SLC14A2: variants seen among roughly 807,000 people sequenced by gnomAD.
The protein encoded by SLC14A2 is urea transporter 2.
A neutral mutation model predicts 104.6 loss-of-function variants in SLC14A2; 91 were observed. The ratio of observed to expected loss-of-function variants is 0.87; its 90% CI spans 0.73 to 1.04. SLC14A2 has a LOEUF of 1.04. Ranked by LOEUF, SLC14A2 falls within the 50% of genes least tolerant of loss-of-function variation. The pLI is 0.00. For synonymous variants in SLC14A2, 476 were observed against 466.4 expected (o/e 1.02, Z -0.27); for missense variants, 1,189 against 1,156.0 (o/e 1.03, Z -0.41).
At chr18:45,439,503 A>G (rs1272445980) in intron 1 of SLC14A2, among the ~76,000 whole-genome samples, 3 of 152,056 alleles carry the variant, frequency 2.0e-5, no homozygotes, top group Non-Finnish European at 4.4e-5. Flanking sequence ...TTGCACATCT[A>G]CAATATGTTT....
At chr18:45,206,041 T>A in the SLC14A2 span, among the ~76,000 whole-genome samples, 1 of 152,194 alleles carries the variant, frequency 6.6e-6, no homozygotes, top group Non-Finnish European at 1.5e-5. Flanking sequence ...CCGGTGGAGA[T>A]GGATAGGCCA....
At chr18:45,634,752 C>T in intron 5 of SLC14A2, 2 of 451,870 alleles carry the variant, frequency 4.4e-6, no homozygotes, top group Non-Finnish European at 4.5e-6. Context: ...TGATAGAAAG[C>T]AGTTAGAGAG....
intron 1 of SLC14A2, among the ~76,000 whole-genome samples, chr18:45,338,119 A>G (rs1273031948): frequency 4.6e-5 from 7 of 152,228 alleles, no homozygotes; most frequent in Non-Finnish European, 8.8e-5. Flanking sequence ...ATTGCCAGTC[A>G]GAAAATCTTT....
At chr18:45,182,507 C>T in the SLC14A2 span, among the ~76,000 whole-genome samples, 1 of 151,476 alleles carries the variant, frequency 6.6e-6, no homozygotes, top group Admixed American at 6.6e-5. Context: ...TTTACCAGAG[C>T]ATAGAAAAAT....
At chr18:45,596,039 G>A (rs924399433) in intron 2 of SLC14A2, among the ~76,000 whole-genome samples, 1 of 152,158 alleles carries the variant, frequency 6.6e-6, no homozygotes, top group African/African-American at 2.4e-5. Context: ...ACCCAGTACG[G>A]ACTGGAGGAA....
chr18:45,283,080 A>AC (rs1380083948), intron 1 of SLC14A2, among the ~76,000 whole-genome samples: 1 of 152,216 alleles, frequency 6.6e-6, no homozygotes, highest in Non-Finnish European at 1.5e-5. Flanking sequence ...ACGAATCATT[A>AC]CCCCACATTG....
At chr18:45,649,217 A>G (rs1054328297) in intron 10 of SLC14A2, among the ~76,000 whole-genome samples, 2 of 152,128 alleles carry the variant, frequency 1.3e-5, no homozygotes, top group East Asian at 1.9e-4. Context: ...GTCTCTTATT[A>G]TATAAAAACA....
chr18:45,327,864 G>T (rs950019698), intron 1 of SLC14A2, among the ~76,000 whole-genome samples: 2 of 152,054 alleles, frequency 1.3e-5, no homozygotes, highest in African/African-American at 2.4e-5. Context: ...GATAAGGCTT[G>T]GTAAATTCAT....
At chr18:45,537,675 A>G (rs917103298) in intron 2 of SLC14A2, among the ~76,000 whole-genome samples, 11 of 152,200 alleles carry the variant, frequency 7.2e-5, no homozygotes, top group African/African-American at 2.2e-4. Flanking sequence ...TTTGACCTAC[A>G]TTTGGTTGGG....
At chr18:45,375,279 G>A (rs2085761958) in intron 1 of SLC14A2, among the ~76,000 whole-genome samples, 1 of 152,168 alleles carries the variant, frequency 6.6e-6, no homozygotes. Flanking sequence ...TAGGAATCAT[G>A]CAGCTGGAGG....
chr18:45,625,901 C>A (rs751122517), intron 3 of SLC14A2, 38 bp downstream of exon 3: 110 of 1,372,730 alleles, frequency 8.0e-5, no homozygotes, highest in Non-Finnish European at 1.0e-4. Flanking sequence ...CCAGACCAGG[C>A]CAGGCCAGAG....
chr18:45,211,841 G>A (rs566667440), upstream of SLC14A2, among the ~76,000 whole-genome samples: 2 of 152,170 alleles, frequency 1.3e-5, no homozygotes, highest in African/African-American at 2.4e-5. Flanking sequence ...AACCATACCT[G>A]AGTGGGCTGA....
chr18:45,617,747 C>T (rs557492628), intron 1 of SLC14A2, among the ~76,000 whole-genome samples: 3 of 152,274 alleles, frequency 2.0e-5, no homozygotes, highest in African/African-American at 7.2e-5. Flanking sequence ...CCTAGCCCCA[C>T]ACACCTGATT....
At chr18:45,598,949 T>G (rs1552328) in intron 2 of SLC14A2, among the ~76,000 whole-genome samples, 75,345 of 152,072 alleles carry the variant, frequency 0.5, 19,848 homozygotes, top group East Asian at 0.85. Context: ...TTAAACTCGT[T>G]TTCTCTTTCT....
chr18:45,384,891 C>T (rs1181441235), intron 1 of SLC14A2, among the ~76,000 whole-genome samples: 1 of 152,206 alleles, frequency 6.6e-6, no homozygotes, highest in African/African-American at 2.4e-5. Flanking sequence ...TAACCAAGGT[C>T]CCACTCAGCT....
chr18:45,307,809 G>A (rs1187599500), intron 1 of SLC14A2, among the ~76,000 whole-genome samples: 2 of 152,236 alleles, frequency 1.3e-5, no homozygotes, highest in Non-Finnish European at 2.9e-5. Flanking sequence ...TTTATTGAAT[G>A]CTATATTAGT....
chr18:45,174,318 A>G, the SLC14A2 span, among the ~76,000 whole-genome samples: 1 of 152,162 alleles, frequency 6.6e-6, no homozygotes, highest in Non-Finnish European at 1.5e-5. Context: ...ATGGATTTCC[A>G]GGTGACTGAC....
intron 2 of SLC14A2, among the ~76,000 whole-genome samples, chr18:45,530,592 T>A (rs1451126440): frequency 6.6e-6 from 1 of 152,162 alleles, no homozygotes; most frequent in Non-Finnish European, 1.5e-5. Context: ...CTAAATATGT[T>A]AGAAATGTGT....
In SLC14A2 at chr18:45,663,896, G is replaced by A; in HGVS notation, c.1463G>A (p.Arg488Lys). 1 of 1,612,812 alleles carries A rather than the reference G, an allele frequency of 6.2e-7. No individual in the cohort carries two copies. The highest frequency in any genetic ancestry group is 8.5e-7 in the Non-Finnish European group (1 of 1,179,588). Reference sequence around the variant, plus strand: ...CACATCGAGTGGTCATCCATTCGGAGGAGGAGCAAAGGTGTGCATGTCCTC... The same window carrying A: ...CACATCGAGTGGTCATCCATTCGGAAGAGGAGCAAAGGTGTGCATGTCCTC... ...VFHIEWSSIR[R>K]RSKVFGKGEH... is the part of the protein sequence containing the mutation. Residue 488 changes from arginine to lysine, a missense_variant, in exon 11 of 20, where the codon AGG (arginine) becomes AAG (lysine). Physicochemically the swap from Arg to Lys is conservative, Grantham distance 26. Coordinates refer to ENST00000255226, the MANE Select transcript of SLC14A2 (RefSeq NM_007163.4).
Sources: gnomAD v4.1 joint callset for allele counts (sites outside exome capture counted in the v4.1 genomes callset) on GRCh38, gnomAD v4.1.1 for gene constraint, MANE v1.5 for transcripts, NCBI Gene and HGNC (gene_info 2026-07-23, HGNC 2026-07-21) for gene names.